The following ZNF804B variants were observed in gnomAD, a reference collection of about 807,000 sequenced individuals.
ZNF804B encodes zinc finger protein 804B.
ZNF804B carries 80 observed loss-of-function variants against 101.4 expected under a neutral mutation model. The observed-to-expected ratio is 0.79, with a 90% CI of 0.66 to 0.95. ZNF804B has a LOEUF of 0.95. ZNF804B is among the 40% of genes least tolerant of loss of function. The pLI, the probability that ZNF804B is intolerant of heterozygous loss-of-function variation, is 0.00. For synonymous variants in ZNF804B, 622 were observed against 558.8 expected (o/e 1.11, Z -1.59); for missense variants, 1,673 against 1,561.9 (o/e 1.07, Z -1.20).
chr7:89,021,178 T>TC (rs2116214752), intron 1 of ZNF804B, among the ~76,000 whole-genome samples: 1 of 152,326 alleles, frequency 6.6e-6, no homozygotes, highest in East Asian at 1.9e-4. Context: ...GGGCTTTGAT[T>TC]CTAGGTGGAT....
In ZNF804B at chr7:89,323,795, T is replaced by C. The variant is rs539557835; in HGVS notation, c.250-3549T>C. 6.8e-4 allele frequency among the ~76,000 whole-genome samples: 104 copies of C among 152,228 alleles called. No homozygotes were observed. In the Middle Eastern group the frequency reaches 0.01, roughly 15 times the overall value. On this transcript the variant is annotated intron_variant, in intron 2 of 3. Coordinates refer to ENST00000333190, the MANE Select transcript of ZNF804B (RefSeq NM_181646.5). ...TAAAGTAGCATTTTTTTCTGAAATA[T>C]GTATGCCATGTGCTGTCTGTTCTCA... is the stretch of plus-strand genomic sequence containing the variant.
rs1008056382 is a variant in ZNF804B at position 89,198,952 on chromosome 7, C to T, written c.109-19203C>T. ...CAAGTAACTTATCGGGAATATGGAG[C>T]CATAAGGAGTTTAGAAGTAAAAAAG... On this transcript the variant is annotated intron_variant, in intron 1 of 3. Coordinates refer to ENST00000333190, the MANE Select transcript of ZNF804B (RefSeq NM_181646.5). Among the ~76,000 whole-genome samples, 4 of 151,828 alleles carry T rather than the reference C, an allele frequency of 2.6e-5. No homozygotes were observed. In the South Asian group the frequency reaches 8.3e-4, roughly 32 times the overall value.
At chr7:89,299,610 T>C (rs559837096) in intron 2 of ZNF804B, among the ~76,000 whole-genome samples, 1 of 152,180 alleles carries the variant, frequency 6.6e-6, no homozygotes, top group East Asian at 1.9e-4. Flanking sequence ...AGCTGGCTTA[T>C]TCAGAGTGCT....
At chr7:89,087,502 T>G (rs1457415578) in intron 1 of ZNF804B, among the ~76,000 whole-genome samples, 2 of 151,988 alleles carry the variant, frequency 1.3e-5, no homozygotes, top group African/African-American at 4.8e-5. Context: ...ATACACTAAG[T>G]AAATATTACA....
At chr7:89,059,094 T>A (rs957697419) in intron 1 of ZNF804B, among the ~76,000 whole-genome samples, 2 of 152,156 alleles carry the variant, frequency 1.3e-5, no homozygotes, top group African/African-American at 4.8e-5. Context: ...ATGGCTATCA[T>A]AATCCCAAAA....
At chr7:88,926,551 T>G (rs1476006820) in intron 1 of ZNF804B, among the ~76,000 whole-genome samples, 2 of 151,896 alleles carry the variant, frequency 1.3e-5, no homozygotes, top group African/African-American at 4.8e-5. Flanking sequence ...GAGGTTACAC[T>G]GAGCCGAGAT....
intron 1 of ZNF804B, among the ~76,000 whole-genome samples, chr7:89,069,126 A>T (rs542605940): frequency 6.6e-6 from 1 of 152,336 alleles, no homozygotes; most frequent in South Asian, 2.1e-4. Flanking sequence ...ATTCTCCAGG[A>T]CTGGCTTACT....
Position 89,337,094 on chromosome 7 carries a change from A to G in ZNF804B, c.*62A>G, listed in dbSNP as rs1009503682. ...ATTGTCACTACCTATAAAATCATACATTTAAAGAAGTCTGTCAATTATAAG... is the reference window on the plus strand; with the variant it reads ...ATTGTCACTACCTATAAAATCATACGTTTAAAGAAGTCTGTCAATTATAAG... On this transcript the variant is annotated 3_prime_UTR_variant, in exon 4 of 4. Coordinates refer to ENST00000333190, the MANE Select transcript of ZNF804B (RefSeq NM_181646.5). 47 of 1,455,580 alleles carry G rather than the reference A, an allele frequency of 3.2e-5. No individual in the cohort carries two copies. The highest frequency in any genetic ancestry group is 4.7e-5 in the East Asian group (2 of 42,724). 90.2% of individuals were successfully genotyped at this position (1,455,580 alleles called of 1,614,324 possible). A position where few individuals can be genotyped will look rare whatever the true frequency, so the allele number is the denominator to read the frequency against.
chr7:88,862,975 C>T (rs2115860598), intron 1 of ZNF804B, among the ~76,000 whole-genome samples: 1 of 152,260 alleles, frequency 6.6e-6, no homozygotes, highest in Non-Finnish European at 1.5e-5. Flanking sequence ...AATGATAAGC[C>T]TAATCATGTC....
rs541685818 is a variant in ZNF804B at position 89,284,826 on chromosome 7, TA to T, written c.250-42508del. Among the ~76,000 whole-genome samples, 856 of 149,668 alleles carry T rather than the reference TA, an allele frequency of 5.7e-3. 5 individuals are homozygous for T. The highest frequency in any genetic ancestry group is 0.017 in the African/African-American group (683 of 40,898). On this transcript the variant is annotated intron_variant, in intron 2 of 3. Coordinates refer to ENST00000333190, the MANE Select transcript of ZNF804B (RefSeq NM_181646.5). ...TGATAATTTTAGAAACATTTTTGAT[TA>T]AAAAAAAAATCAAGATATCAGGACA...
At chr7:89,303,997 T>C (rs1005677836) in intron 2 of ZNF804B, among the ~76,000 whole-genome samples, 2 of 151,940 alleles carry the variant, frequency 1.3e-5, no homozygotes, top group Non-Finnish European at 2.9e-5. Flanking sequence ...TTAAGTGAAC[T>C]TTAGACAGGT....
intron 1 of ZNF804B, among the ~76,000 whole-genome samples, chr7:88,930,205 T>C (rs868219051): frequency 6.6e-6 from 1 of 152,006 alleles, no homozygotes; most frequent in Non-Finnish European, 1.5e-5. Flanking sequence ...TACAAATGTC[T>C]CAGGTTTTAA....
intron 1 of ZNF804B, among the ~76,000 whole-genome samples, chr7:89,103,967 T>C (rs1010820313): frequency 6.6e-6 from 1 of 152,056 alleles, no homozygotes; most frequent in Non-Finnish European, 1.5e-5. Flanking sequence ...AAATGCTTTT[T>C]CTGCATCTAA....
At chr7:89,279,548 G>GT (rs989929995) in intron 2 of ZNF804B, among the ~76,000 whole-genome samples, 63 of 152,072 alleles carry the variant, frequency 4.1e-4, no homozygotes, top group Non-Finnish European at 6.3e-4. Flanking sequence ...TTTATTGAGA[G>GT]TTTTTAGCAT....
chr7:89,026,124 A>C (rs1304591478), intron 1 of ZNF804B, among the ~76,000 whole-genome samples: 1 of 152,146 alleles, frequency 6.6e-6, no homozygotes, highest in African/African-American at 2.4e-5. Context: ...GTGCTGTGCT[A>C]AGCATTGGTA....
At chr7:89,303,348 A>T (rs1466633910) in intron 2 of ZNF804B, among the ~76,000 whole-genome samples, 1 of 151,942 alleles carries the variant, frequency 6.6e-6, no homozygotes, top group African/African-American at 2.4e-5. Flanking sequence ...CTATTTTGAA[A>T]TATAATTTAA....
In ZNF804B at chr7:89,247,512, C is replaced by T. The variant is rs549906249; in HGVS notation, c.249+29217C>T. Among the ~76,000 whole-genome samples the T allele has an allele frequency of 2.6e-5, 4 of 151,934 alleles. No individual in the cohort carries two copies. In the East Asian group the frequency reaches 7.7e-4, roughly 29 times the overall value. On this transcript the variant is annotated intron_variant, in intron 2 of 3. Transcript: ENST00000333190. ...AGAAGTAAAACCAAAACAACCTACC[C>T]AACATTGTCTACAATCACATAACCA...
intron 1 of ZNF804B, among the ~76,000 whole-genome samples, chr7:88,925,432 T>C (rs996387302): frequency 2.0e-5 from 3 of 152,000 alleles, no homozygotes; most frequent in African/African-American, 7.3e-5. Flanking sequence ...TTAGGGTGGG[T>C]TCTAATTTAA....
chr7:89,131,532 A>C lies in ZNF804B; in HGVS notation c.109-86623A>C, dbSNP rs566479961. On this transcript the variant is annotated intron_variant, in intron 1 of 3. Transcript: ENST00000333190. The stretch of plus-strand genomic sequence containing the variant: ...CTGGCTAGCCACATTTGAAGGCTAT[A>C]ATCATAGAAGATGGGTGAAGGAAAT... Among the ~76,000 whole-genome samples, 3 of 152,104 alleles carry C rather than the reference A, an allele frequency of 2.0e-5. No homozygotes were observed. The South Asian group carries it at 6.2e-4, about 32-fold the overall frequency.
Sources: gnomAD v4.1 joint callset for allele counts (sites outside exome capture counted in the v4.1 genomes callset) on GRCh38, gnomAD v4.1.1 for gene constraint, MANE v1.5 for transcripts, NCBI Gene and HGNC (gene_info 2026-07-23, HGNC 2026-07-21) for gene names.